Variants in SH3GL3 observed in about 807,000 individuals in gnomAD.
SH3GL3 encodes the protein endophilin-A3.
In SH3GL3, 33 loss-of-function variants were observed where a neutral mutation model predicts 47.7. The ratio of observed to expected loss-of-function variants is 0.69; its 90% CI spans 0.52 to 0.92. SH3GL3 has a LOEUF of 0.92. SH3GL3 is among the 40% of genes least tolerant of loss of function. SH3GL3 has a pLI of 0.00. For synonymous variants in SH3GL3, 155 were observed against 148.8 expected (o/e 1.04, Z -0.30); for missense variants, 363 against 417.8 (o/e 0.87, Z 1.14).
rs2151781550 is a variant in SH3GL3, at chr15:83,576,656, A to G, written c.539A>G (p.Asp180Gly). 1 of 1,613,906 alleles carries G rather than the reference A, an allele frequency of 6.2e-7. No individual in the cohort carries two copies. The highest frequency in any genetic ancestry group is 1.7e-5 in the Admixed American group (1 of 60,012). Reference protein sequence around the residue: ...YKKKRVGKIPDEEVRQAVEKF... With the variant: ...YKKKRVGKIPGEEVRQAVEKF... The stretch of plus-strand genomic sequence containing the variant: ...AAGAAACGAGTAGGTAAGATACCAG[A>G]CGAAGAAGTCAGACAAGCGGTAGAA... The change falls in exon 6 of 9, where the codon GAC (aspartate) becomes GGC (glycine). Residue 180 changes from aspartate (D) to glycine (G), a missense_variant. Asp to Gly is a moderately conservative substitution (Grantham distance 94, BLOSUM62 -1). Transcript: ENST00000427482.
At chr15:83,460,967 C>T (rs1339634901) in intron 1 of SH3GL3, among the ~76,000 whole-genome samples, 1 of 151,992 alleles carries the variant, frequency 6.6e-6, no homozygotes. Flanking sequence ...CCTGTATTCC[C>T]AGCTACTCAG....
At chr15:83,502,525 T>A (rs1157143823) in intron 1 of SH3GL3, among the ~76,000 whole-genome samples, 1 of 152,228 alleles carries the variant, frequency 6.6e-6, no homozygotes, top group Admixed American at 6.5e-5. Flanking sequence ...TGTGAATGAA[T>A]AAATGGATGG....
chr15:83,490,954 T>C, intron 1 of SH3GL3: 1 of 1,612,420 alleles, frequency 6.2e-7, no homozygotes, highest in Non-Finnish European at 8.5e-7. Flanking sequence ...AACAGTAAAC[T>C]TGGAAAAGCC....
At chr15:83,615,983 A>G (rs1298410132) in intron 8 of SH3GL3, among the ~76,000 whole-genome samples, 1 of 152,162 alleles carries the variant, frequency 6.6e-6, no homozygotes, top group Non-Finnish European at 1.5e-5. Context: ...TTGACTGCTT[A>G]TACTCTTCAA....
intron 1 of SH3GL3, among the ~76,000 whole-genome samples, chr15:83,498,185 A>G (rs1243097204): frequency 1.3e-5 from 2 of 152,158 alleles, no homozygotes; most frequent in African/African-American, 4.8e-5. Context: ...GTTTTCAAAA[A>G]ATATATTTTT....
At chr15:83,595,508 A>T (rs200600224) in intron 8 of SH3GL3, among the ~76,000 whole-genome samples, 1 of 107,076 alleles carries the variant, frequency 9.3e-6, no homozygotes, top group African/African-American at 3.0e-5. Flanking sequence ...CCTAAAAGTT[A>T]AAAAAAAAAA....
intron 4 of SH3GL3, 101 bp downstream of exon 4, chr15:83,568,773 A>G: frequency 1.2e-6 from 1 of 816,808 alleles, no homozygotes; most frequent in Non-Finnish European, 1.9e-6. Context: ...TTATTTTTCC[A>G]TATTACCAAA....
At chr15:83,625,331 C>T in the SH3GL3 span, among the ~76,000 whole-genome samples, 9 of 152,176 alleles carry the variant, frequency 5.9e-5, no homozygotes, top group African/African-American at 1.9e-4. Context: ...CTCTGAAGGC[C>T]GTGCTATTTC....
chr15:83,448,441 G>GT lies in SH3GL3; in HGVS notation c.45+863_45+864insT, dbSNP rs1414993554. On this transcript the variant is annotated intron_variant, in intron 1 of 8. Transcript: ENST00000427482. This position sits in a 1 kb window ranked among gnomAD's most constrained non-coding sequence, Gnocchi z 4.2. ...AAAACAGGAGGGGAGACATGAAATT[G>GT]ATGTGTGTGTGTGTGTGTGTGTGTG... 2.9e-5 allele frequency among the ~76,000 whole-genome samples: 2 copies of GT among 68,598 alleles called. No individual in the cohort carries two copies. Among genetic ancestry groups the GT allele is most frequent in the African/African-American group, 7.6e-5 (1 of 13,186 alleles). The allele number at this position is 68,598 out of a possible 152,430, so 45.0% of individuals were successfully genotyped here.
intron 5 of SH3GL3, among the ~76,000 whole-genome samples, chr15:83,574,947 C>A (rs1264596674): frequency 6.6e-6 from 1 of 152,170 alleles, no homozygotes; most frequent in Non-Finnish European, 1.5e-5. Flanking sequence ...CCGTTGCTTA[C>A]CTTTTGCTCA....
intron 1 of SH3GL3, among the ~76,000 whole-genome samples, chr15:83,539,720 A>G (rs897262082): frequency 3.9e-5 from 6 of 152,162 alleles, no homozygotes; most frequent in Admixed American, 1.3e-4. Flanking sequence ...GGTTTAATGA[A>G]ATACAACATA....
At chr15:83,478,066 A>G (rs764503762) in intron 1 of SH3GL3, among the ~76,000 whole-genome samples, 8 of 152,174 alleles carry the variant, frequency 5.3e-5, no homozygotes, top group Non-Finnish European at 8.8e-5. Flanking sequence ...GGGAGATGGC[A>G]TGGGTCCCAG....
chr15:83,557,435 GA>G (rs1178361323), intron 1 of SH3GL3, among the ~76,000 whole-genome samples: 1 of 152,214 alleles, frequency 6.6e-6, no homozygotes, highest in Admixed American at 6.5e-5. Flanking sequence ...TACTCAGCCT[GA>G]AAAGTAAGGA....
chr15:83,593,946 A>G (rs1277122321), intron 8 of SH3GL3, among the ~76,000 whole-genome samples: 1 of 152,036 alleles, frequency 6.6e-6, no homozygotes, highest in Non-Finnish European at 1.5e-5. Flanking sequence ...AGCCTCCCAC[A>G]TAGCTGGGAC....
chr15:83,566,153 C>T (rs1395240847), intron 3 of SH3GL3, among the ~76,000 whole-genome samples: 1 of 152,072 alleles, frequency 6.6e-6, no homozygotes, highest in Non-Finnish European at 1.5e-5. Flanking sequence ...CAGACAGATA[C>T]TTCACCCTCA....
chr15:83,463,380 C>T (rs962804073), intron 1 of SH3GL3, among the ~76,000 whole-genome samples: 3 of 151,904 alleles, frequency 2.0e-5, no homozygotes, highest in Non-Finnish European at 2.9e-5. Context: ...AAGCAGCTTA[C>T]ATGAGCTTAT....
At position 83,470,648 on chromosome 15, in the gene SH3GL3, C is replaced by T. The variant is rs527550931; in HGVS notation, c.45+23070C>T. Among the ~76,000 whole-genome samples the T allele has an allele frequency of 1.4e-3, 206 of 152,278 alleles. 1 individual carries two copies. The South Asian group carries it at 0.035, about 26-fold the overall frequency. ...TTTAATGTAATTACTTATATGTTAG[C>T]GCTAAAGGCTGCCATTTTATTTTGG... On this transcript the variant is annotated intron_variant, in intron 1 of 8. Coordinates refer to ENST00000427482, the MANE Select transcript of SH3GL3 (RefSeq NM_003027.5).
chr15:83,453,554 G>C (rs1295826424), intron 1 of SH3GL3, among the ~76,000 whole-genome samples: 1 of 151,576 alleles, frequency 6.6e-6, no homozygotes. Context: ...ATGTGTCGAG[G>C]AATGTATCCA....
intron 5 of SH3GL3, 146 bp downstream of exon 5, chr15:83,572,844 C>T (rs538371096): frequency 3.4e-6 from 2 of 595,614 alleles, no homozygotes; most frequent in Non-Finnish European, 5.7e-6. Context: ...TTTTCCTGGG[C>T]TCACTGGGAA....
Sources: gnomAD v4.1 joint callset for allele counts (sites outside exome capture counted in the v4.1 genomes callset) on GRCh38, gnomAD v4.1.1 for gene constraint, Gnocchi (gnomAD v3.1) non-coding constraint, MANE v1.5 for transcripts, NCBI Gene and HGNC (gene_info 2026-07-23, HGNC 2026-07-21) for gene names.